Variants in ISM1 observed in about 807,000 individuals in gnomAD.
ISM1 encodes isthmin-1.
Under a neutral mutation model 46.3 loss-of-function variants are expected in ISM1, and 25 were observed. The ratio of observed to expected loss-of-function variants is 0.54; its 90% CI spans 0.39 to 0.75. ISM1 has a LOEUF of 0.75. ISM1 is among the 30% of genes least tolerant of loss of function. ISM1 has a pLI of 0.00. For synonymous variants in ISM1, 255 were observed against 256.7 expected (o/e 0.99, Z 0.06); for missense variants, 536 against 625.4 (o/e 0.86, Z 1.52).
chr20:13,236,277 A>C (rs1000442496), intron 1 of ISM1, among the ~76,000 whole-genome samples: 2 of 152,168 alleles, frequency 1.3e-5, no homozygotes, highest in African/African-American at 4.8e-5. Context: ...GGAGTAATAC[A>C]GTAGAAGACA....
intron 1 of ISM1, among the ~76,000 whole-genome samples, chr20:13,265,405 C>A (rs992207551): frequency 1.3e-5 from 2 of 152,156 alleles, no homozygotes; most frequent in African/African-American, 4.8e-5. Context: ...TCATGAGTAT[C>A]CTTATGGATT....
chr20:13,299,060 C>T lies in ISM1; in HGVS notation c.996C>T (p.Tyr332=), dbSNP rs962745356. Reference sequence around the variant, plus strand: ...GCTCCTACCCCACTGAGGTGGCCTACAGCACGGCCGACATCTTCGACCGCA... The same window carrying T: ...GCTCCTACCCCACTGAGGTGGCCTATAGCACGGCCGACATCTTCGACCGCA... The part of the protein sequence containing the change: ...CPCSYPTEVA[Y]STADIFDRIK... Residue 332 remains tyrosine, a synonymous_variant, in exon 6 of 6, where the codon TAC becomes TAT. Coordinates refer to ENST00000262487, the MANE Select transcript of ISM1 (RefSeq NM_080826.2). This position sits in a 1 kb window ranked among gnomAD's most constrained non-coding sequence, Gnocchi z 5.8. 1 of 1,613,702 alleles carries T rather than the reference C, an allele frequency of 6.2e-7. No individual in the cohort carries two copies. Among genetic ancestry groups the T allele is most frequent in the African/African-American group, 1.3e-5 (1 of 74,930 alleles).
downstream of ISM1, among the ~76,000 whole-genome samples, chr20:13,301,305 C>T (rs2040456566): frequency 6.6e-6 from 1 of 152,168 alleles, no homozygotes; most frequent in Non-Finnish European, 1.5e-5. Context: ...TCTCGTGCCT[C>T]AGCCTCCCGA....
intron 5 of ISM1, among the ~76,000 whole-genome samples, chr20:13,297,488 G>A (rs1210270682): frequency 6.6e-6 from 1 of 152,154 alleles, no homozygotes; most frequent in African/African-American, 2.4e-5. Context: ...TTGTCTCAGG[G>A]TCTGGGGTAA....
At chr20:13,317,423 T>C in the ISM1 span, among the ~76,000 whole-genome samples, 393 of 152,150 alleles carry the variant, frequency 2.6e-3, 2 homozygotes, top group African/African-American at 8.7e-3. Context: ...AGTTATTTCA[T>C]AGATATCAAT....
At chr20:13,273,151 T>C (rs1272078223) in intron 2 of ISM1, among the ~76,000 whole-genome samples, 1 of 152,156 alleles carries the variant, frequency 6.6e-6, no homozygotes, top group African/African-American at 2.4e-5. Context: ...ATCCCCTTTC[T>C]GTCTTCTAGA....
At chr20:13,239,701 G>A (rs6105055) in intron 1 of ISM1, 23,656 of 152,196 alleles carry the variant, frequency 0.16, 1,918 homozygotes, top group East Asian at 0.24. Context: ...TAGAAGGCAG[G>A]TTGCAGACAC....
At chr20:13,294,905 C>T (rs1488985165) in intron 5 of ISM1, among the ~76,000 whole-genome samples, 1 of 152,186 alleles carries the variant, frequency 6.6e-6, no homozygotes, top group Non-Finnish European at 1.5e-5. Flanking sequence ...TCACAGAGCT[C>T]CTGAAAGTTG....
chr20:13,228,613 G>T (rs1427550026), intron 1 of ISM1, among the ~76,000 whole-genome samples: 3 of 151,848 alleles, frequency 2.0e-5, no homozygotes, highest in Non-Finnish European at 2.9e-5. Flanking sequence ...TTACCAGGTT[G>T]TGTTTAGATT....
chr20:13,280,406 T>C (rs1269143926), intron 3 of ISM1, among the ~76,000 whole-genome samples: 1 of 126,652 alleles, frequency 7.9e-6, no homozygotes, highest in Non-Finnish European at 1.7e-5. Context: ...CCCCCCCCAA[T>C]ACATTTCAAA....
chr20:13,227,256 T>C (rs1017603628), intron 1 of ISM1, among the ~76,000 whole-genome samples: 1 of 152,208 alleles, frequency 6.6e-6, no homozygotes, highest in African/African-American at 2.4e-5. Context: ...CAGGCTGGAG[T>C]GCAGTGGCGC....
intron 1 of ISM1, among the ~76,000 whole-genome samples, chr20:13,263,706 C>T (rs185174526): frequency 1.4e-4 from 22 of 152,278 alleles, no homozygotes; most frequent in Admixed American, 3.9e-4. Context: ...ATGTGGAAGG[C>T]GCACAGCCAT....
intron 2 of ISM1, among the ~76,000 whole-genome samples, chr20:13,274,677 C>CA: frequency 6.6e-6 from 1 of 151,168 alleles, no homozygotes. Context: ...CCCGCCCCCC[C>CA]CGCGCCCGGC....
chr20:13,318,625 T>C, the ISM1 span, among the ~76,000 whole-genome samples: 3 of 152,188 alleles, frequency 2.0e-5, no homozygotes, highest in Non-Finnish European at 2.9e-5. Flanking sequence ...CTATATCTTA[T>C]TAGCACTGAA....
chr20:13,223,774 C>T (rs935864778), intron 1 of ISM1, among the ~76,000 whole-genome samples: 8 of 152,036 alleles, frequency 5.3e-5, no homozygotes, highest in East Asian at 1.9e-4. Flanking sequence ...TCTAACACTG[C>T]GGAGATAATT....
At chr20:13,310,835 A>G in the ISM1 span, among the ~76,000 whole-genome samples, 3 of 152,224 alleles carry the variant, frequency 2.0e-5, no homozygotes, top group African/African-American at 7.2e-5. Flanking sequence ...CACTAACCGC[A>G]GGAAAATGCA....
intron 5 of ISM1, among the ~76,000 whole-genome samples, chr20:13,296,644 G>C (rs975924674): frequency 1.3e-5 from 2 of 152,180 alleles, no homozygotes; most frequent in Admixed American, 6.5e-5. Flanking sequence ...CTTAAGGAGG[G>C]GCTGTGCTGG....
At chr20:13,321,253 T>TAAAAAAAAAAAAAAAAAAA in the ISM1 span, among the ~76,000 whole-genome samples, 129 of 57,496 alleles carry the variant, frequency 2.2e-3, 4 homozygotes, top group South Asian at 4.5e-3. Flanking sequence ...GTGCCCCACA[T>TAAAAAAAAAAAAAAAAAAA]AAAAAAAAAA....
chr20:13,321,127 A>G, the ISM1 span, among the ~76,000 whole-genome samples: 3 of 151,890 alleles, frequency 2.0e-5, no homozygotes, highest in Admixed American at 2.0e-4. Flanking sequence ...TGAACCCAGG[A>G]GGAGGTGAAG....
Sources: gnomAD v4.1 joint callset for allele counts (sites outside exome capture counted in the v4.1 genomes callset) on GRCh38, gnomAD v4.1.1 for gene constraint, Gnocchi (gnomAD v3.1) non-coding constraint, MANE v1.5 for transcripts, NCBI Gene and HGNC (gene_info 2026-07-23, HGNC 2026-07-21) for gene names.